LDLRAD3: variants seen among roughly 807,000 people sequenced by gnomAD.
The protein encoded by LDLRAD3 is low-density lipoprotein receptor class A domain-containing protein 3.
Under a neutral mutation model 29.4 loss-of-function variants are expected in LDLRAD3, and 20 were observed. That is an observed-to-expected ratio of 0.68 (90% CI 0.48 to 0.99). LDLRAD3 has a LOEUF of 0.99. Among genes scored for constraint, LDLRAD3 ranks in the 50% least tolerant of loss-of-function variants. LDLRAD3 has a pLI of 0.00. For synonymous variants in LDLRAD3, 157 were observed against 192.7 expected (o/e 0.81, Z 1.53); for missense variants, 420 against 454.3 (o/e 0.92, Z 0.69).
chr11:35,951,913 A>C (rs115279667), intron 1 of LDLRAD3, among the ~76,000 whole-genome samples: 1 of 152,240 alleles, frequency 6.6e-6, no homozygotes, highest in Non-Finnish European at 1.5e-5. Flanking sequence ...TAGAAGATGC[A>C]GTTGGCCATT....
intron 4 of LDLRAD3, among the ~76,000 whole-genome samples, chr11:36,205,916 T>G (rs547816240): frequency 6.6e-6 from 1 of 152,334 alleles, no homozygotes; most frequent in African/African-American, 2.4e-5. Flanking sequence ...AAGTTCCTGC[T>G]CCCTGGGTCT....
At chr11:35,995,758 A>C (rs947063846) in intron 1 of LDLRAD3, among the ~76,000 whole-genome samples, 3 of 152,216 alleles carry the variant, frequency 2.0e-5, no homozygotes, top group Non-Finnish European at 4.4e-5. Flanking sequence ...TGCAGCTTCT[A>C]CATCAGTATT....
chr11:36,062,715 C>A (rs1428795534), intron 2 of LDLRAD3, among the ~76,000 whole-genome samples: 4 of 152,142 alleles, frequency 2.6e-5, no homozygotes, highest in Non-Finnish European at 5.9e-5. Flanking sequence ...GGCTTTTCCC[C>A]CATTTGCTTG....
At chr11:36,194,248 T>C (rs185592318) in intron 4 of LDLRAD3, among the ~76,000 whole-genome samples, 184 of 152,250 alleles carry the variant, frequency 1.2e-3, no homozygotes, top group African/African-American at 4.2e-3. Flanking sequence ...TTTCAAACAA[T>C]AGAGGTTTGT....
chr11:36,031,363 T>C (rs939534535), intron 1 of LDLRAD3, among the ~76,000 whole-genome samples: 4 of 152,160 alleles, frequency 2.6e-5, no homozygotes, highest in African/African-American at 9.7e-5. Flanking sequence ...AGTAATTTAC[T>C]TGTACAAATC....
intron 1 of LDLRAD3, among the ~76,000 whole-genome samples, chr11:36,014,299 C>T (rs1031062673): frequency 6.6e-6 from 1 of 152,162 alleles, no homozygotes; most frequent in Non-Finnish European, 1.5e-5. Flanking sequence ...GACAGATAGA[C>T]AGAGAGAGGG....
intron 1 of LDLRAD3, among the ~76,000 whole-genome samples, chr11:35,991,255 G>A (rs1275907119): frequency 2.0e-5 from 3 of 152,030 alleles, no homozygotes; most frequent in Non-Finnish European, 2.9e-5. Context: ...GGGTTCCTTC[G>A]GGCACTTTTG....
intron 4 of LDLRAD3, among the ~76,000 whole-genome samples, chr11:36,101,527 G>T (rs1278035750): frequency 3.3e-5 from 5 of 152,162 alleles, no homozygotes; most frequent in Non-Finnish European, 5.9e-5. Context: ...AAATTGGGTA[G>T]AGAATTCCGT....
intron 1 of LDLRAD3, among the ~76,000 whole-genome samples, chr11:36,031,963 G>A (rs1003971504): frequency 6.6e-6 from 1 of 152,214 alleles, no homozygotes; most frequent in Non-Finnish European, 1.5e-5. Context: ...AGATGGAGGT[G>A]CAGGATTAGC....
intron 1 of LDLRAD3, among the ~76,000 whole-genome samples, chr11:36,033,866 C>T (rs364692): frequency 0.5 from 76,278 of 151,976 alleles, 21,328 homozygotes; most frequent in Admixed American, 0.63. Flanking sequence ...ATTCTTGGCT[C>T]GGTGGAACAG....
intron 4 of LDLRAD3, among the ~76,000 whole-genome samples, chr11:36,164,195 A>G (rs898579709): frequency 6.6e-6 from 1 of 152,202 alleles, no homozygotes; most frequent in Non-Finnish European, 1.5e-5. Context: ...ACAAGCTTCC[A>G]TGGTGATGAA....
chr11:36,068,320 A>G (rs1852831059), intron 2 of LDLRAD3, among the ~76,000 whole-genome samples: 1 of 152,244 alleles, frequency 6.6e-6, no homozygotes, highest in Admixed American at 6.5e-5. Flanking sequence ...GGAGGGCATT[A>G]CTGAATCTCT....
intron 4 of LDLRAD3, among the ~76,000 whole-genome samples, chr11:36,136,972 T>C (rs1465216594): frequency 1.3e-5 from 2 of 152,210 alleles, no homozygotes; most frequent in Non-Finnish European, 2.9e-5. Context: ...ATTACAGGCA[T>C]GAGCCACCGC....
At chr11:36,080,400 G>T (rs1853095868) in intron 2 of LDLRAD3, among the ~76,000 whole-genome samples, 1 of 152,356 alleles carries the variant, frequency 6.6e-6, no homozygotes, top group African/African-American at 2.4e-5. Context: ...AGTGGAAGAA[G>T]AATTTATTTG....
chr11:36,180,611 T>C (rs770634468), intron 4 of LDLRAD3, among the ~76,000 whole-genome samples: 3 of 152,180 alleles, frequency 2.0e-5, no homozygotes, highest in Middle Eastern at 3.4e-3. Context: ...ACGGAGCGCA[T>C]GGACAGTTTT....
chr11:36,080,178 G>A (rs1424841011), intron 2 of LDLRAD3, among the ~76,000 whole-genome samples: 2 of 152,184 alleles, frequency 1.3e-5, no homozygotes, highest in Non-Finnish European at 2.9e-5. Flanking sequence ...CATGGGTCCT[G>A]CCTCTAAGAC....
At chr11:36,226,597 A>T (rs902231986) in intron 4 of LDLRAD3, among the ~76,000 whole-genome samples, 2 of 152,142 alleles carry the variant, frequency 1.3e-5, no homozygotes, top group South Asian at 2.1e-4. Context: ...GCGGGGGGGA[A>T]ATTTACCAAT....
intron 1 of LDLRAD3, among the ~76,000 whole-genome samples, chr11:36,008,156 T>G (rs1285495397): frequency 6.6e-6 from 1 of 152,188 alleles, no homozygotes; most frequent in Admixed American, 6.5e-5. Flanking sequence ...AGGGCCATTT[T>G]TATGTGAGGA....
chr11:35,969,440 A>G (rs1851384517), intron 1 of LDLRAD3, among the ~76,000 whole-genome samples: 1 of 152,218 alleles, frequency 6.6e-6, no homozygotes, highest in Non-Finnish European at 1.5e-5. Flanking sequence ...TTATGACTTA[A>G]TGAGCTCAGT....
Sources: allele counts gnomAD v4.1 joint callset (sites outside exome capture counted in the v4.1 genomes callset), GRCh38; gene constraint gnomAD v4.1.1; transcripts MANE v1.5; gene names NCBI Gene and HGNC (gene_info 2026-07-23, HGNC 2026-07-21).